The following LOC128462377 variants were observed in gnomAD, a reference collection of about 807,000 sequenced individuals.
the LOC128462377 span, among the ~76,000 whole-genome samples, chr16:89,331,931 G>T: frequency 2.6e-5 from 4 of 152,116 alleles, no homozygotes; most frequent in African/African-American, 9.7e-5. Flanking sequence ...GCTGGGAACC[G>T]TCATCACCAC....
the LOC128462377 span, among the ~76,000 whole-genome samples, chr16:89,416,499 A>C: frequency 6.6e-6 from 1 of 152,102 alleles, no homozygotes; most frequent in Non-Finnish European, 1.5e-5. Flanking sequence ...GGGTTTCACC[A>C]TGTTGGCAGG....
the LOC128462377 span, among the ~76,000 whole-genome samples, chr16:89,331,451 A>G: frequency 6.6e-6 from 1 of 152,204 alleles, no homozygotes; most frequent in Non-Finnish European, 1.5e-5. Flanking sequence ...TTTACAGATT[A>G]AAGACTTAAA....
the LOC128462377 span, among the ~76,000 whole-genome samples, chr16:89,322,271 G>A: frequency 2.6e-5 from 4 of 152,164 alleles, no homozygotes; most frequent in African/African-American, 4.8e-5. Context: ...ATTACCCTCC[G>A]AAGACTCCCA....
the LOC128462377 span, among the ~76,000 whole-genome samples, chr16:89,328,121 G>A: frequency 4.7e-5 from 7 of 149,300 alleles, no homozygotes; most frequent in African/African-American, 7.4e-5. Context: ...ATCCTAAGCC[G>A]TTAGGGAAAC....
At chr16:89,402,102 G>C in the LOC128462377 span, among the ~76,000 whole-genome samples, 1 of 152,150 alleles carries the variant, frequency 6.6e-6, no homozygotes, top group Non-Finnish European at 1.5e-5. Flanking sequence ...TCTGTCCATG[G>C]ACCTCTTTAA....
chr16:89,324,663 G>C, the LOC128462377 span: 3 of 374,164 alleles, frequency 8.0e-6, no homozygotes, highest in African/African-American at 6.3e-5. Flanking sequence ...TTTCTTCCAT[G>C]CTGGATACTT....
the LOC128462377 span, among the ~76,000 whole-genome samples, chr16:89,407,365 A>G: frequency 2.6e-5 from 4 of 152,164 alleles, no homozygotes; most frequent in Non-Finnish European, 5.9e-5. Flanking sequence ...AGGTTTAAAG[A>G]AAGAGACAAC....
chr16:89,371,067 A>G, the LOC128462377 span, among the ~76,000 whole-genome samples: 6 of 152,166 alleles, frequency 3.9e-5, no homozygotes. Flanking sequence ...GGACTTGTTC[A>G]GGTGAGAAAC....
the LOC128462377 span, among the ~76,000 whole-genome samples, chr16:89,375,498 C>T: frequency 1.3e-5 from 2 of 151,866 alleles, no homozygotes; most frequent in African/African-American, 4.8e-5. Context: ...TCACTCTTGT[C>T]GCCCGGGCTG....
chr16:89,389,876 C>T, the LOC128462377 span, among the ~76,000 whole-genome samples: 6 of 107,154 alleles, frequency 5.6e-5, no homozygotes, highest in East Asian at 5.6e-4. Flanking sequence ...ATCACTGGGG[C>T]GAACACCGAG....
At chr16:89,357,861 C>A in the LOC128462377 span, among the ~76,000 whole-genome samples, 1 of 152,252 alleles carries the variant, frequency 6.6e-6, no homozygotes, top group African/African-American at 2.4e-5. Flanking sequence ...AGGGTGCTGG[C>A]TGCCCCTTTC....
chr16:89,388,360 G>C, the LOC128462377 span, among the ~76,000 whole-genome samples: 1 of 132,106 alleles, frequency 7.6e-6, no homozygotes, highest in Non-Finnish European at 1.5e-5. Context: ...TTGAACTCCT[G>C]ACCTCGTGAT....
chr16:89,416,370 G>C, the LOC128462377 span, among the ~76,000 whole-genome samples: 4 of 151,862 alleles, frequency 2.6e-5, no homozygotes, highest in Non-Finnish European at 5.9e-5. Flanking sequence ...TGTGATCTTG[G>C]CTCACTGAAA....
At chr16:89,325,154 T>C in the LOC128462377 span, 1 of 152,778 alleles carries the variant, frequency 6.5e-6, no homozygotes, top group Admixed American at 6.5e-5. Context: ...AAGTGCTTCA[T>C]AGCAGTGGGG....
chr16:89,340,245 T>G, the LOC128462377 span, among the ~76,000 whole-genome samples: 1 of 152,224 alleles, frequency 6.6e-6, no homozygotes, highest in Admixed American at 6.5e-5. Flanking sequence ...CATCTTTCAC[T>G]TTTGATTAGG....
the LOC128462377 span, among the ~76,000 whole-genome samples, chr16:89,359,107 T>C: frequency 2.0e-5 from 3 of 152,080 alleles, no homozygotes; most frequent in Non-Finnish European, 4.4e-5. Flanking sequence ...TATTCCAAAA[T>C]ATATAAAACA....
At chr16:89,391,361 G>A in the LOC128462377 span, among the ~76,000 whole-genome samples, 2 of 152,144 alleles carry the variant, frequency 1.3e-5, no homozygotes, top group African/African-American at 2.4e-5. Flanking sequence ...GCAGTCTTGC[G>A]GGACTCAGTC....
chr16:89,388,293 ATTT>A, the LOC128462377 span, among the ~76,000 whole-genome samples: 101 of 85,300 alleles, frequency 1.2e-3, 3 homozygotes, highest in African/African-American at 3.6e-3. Flanking sequence ...CATGAGGCTG[ATTT>A]TTTTTTTTTT....
At chr16:89,353,030 G>A in the LOC128462377 span, among the ~76,000 whole-genome samples, 7 of 152,132 alleles carry the variant, frequency 4.6e-5, no homozygotes, top group Admixed American at 1.3e-4. Flanking sequence ...CCCTAACACT[G>A]AGTTAAAATT....
Sources: gnomAD v4.1 joint callset for allele counts (sites outside exome capture counted in the v4.1 genomes callset) on GRCh38, gnomAD v4.1.1 for gene constraint, MANE v1.5 for transcripts.